Variants in GALNT1 observed in about 807,000 individuals in gnomAD.
The protein encoded by GALNT1 is GalNAc transferase 1.
Under a neutral mutation model 65.7 loss-of-function variants are expected in GALNT1, and 17 were observed. That is an observed-to-expected ratio of 0.26 (90% CI 0.18 to 0.39). The LOEUF (loss-of-function observed/expected upper bound fraction) is 0.39. Ranked by LOEUF, GALNT1 falls within the 10% of genes least tolerant of loss-of-function variation. The probability of loss-of-function intolerance (pLI) is 1.00; values close to 1 mark genes in which losing one functional copy is unlikely to be tolerated. For synonymous variants in GALNT1, 210 were observed against 219.7 expected, an observed-to-expected ratio of 0.96 and a Z score of 0.39; for missense variants, 460 against 672.8, an observed-to-expected ratio of 0.68 and a Z score of 3.50.
intron 1 of GALNT1, among the ~76,000 whole-genome samples, chr18:35,624,187 G>A (rs1251576385): frequency 6.6e-6 from 1 of 152,180 alleles, no homozygotes; most frequent in Non-Finnish European, 1.5e-5. Flanking sequence ...ACTAAAGATG[G>A]TGGTGAAGTT....
intron 1 of GALNT1, among the ~76,000 whole-genome samples, chr18:35,620,835 CAT>C (rs1333379990): frequency 6.6e-6 from 1 of 150,394 alleles, no homozygotes; most frequent in African/African-American, 2.5e-5. Context: ...TCTTTATACT[CAT>C]GTGTAAGAGT....
At chr18:35,654,973 A>G (rs1183058256) in intron 2 of GALNT1, among the ~76,000 whole-genome samples, 172 bp downstream of exon 2, 1 of 152,204 alleles carries the variant, frequency 6.6e-6, no homozygotes, top group African/African-American at 2.4e-5. Context: ...CCAGCAGTTA[A>G]AAGCATGAAA....
intron 1 of GALNT1, among the ~76,000 whole-genome samples, chr18:35,653,849 C>T (rs1219939753): frequency 6.6e-6 from 1 of 152,194 alleles, no homozygotes; most frequent in East Asian, 1.9e-4. Context: ...AAATTATTGT[C>T]AGAGCCAAGA....
At chr18:35,708,125 A>G (rs1425463482) in intron 11 of GALNT1, among the ~76,000 whole-genome samples, 4 of 152,172 alleles carry the variant, frequency 2.6e-5, no homozygotes, top group Non-Finnish European at 5.9e-5. Flanking sequence ...TGGGTCTCAA[A>G]GAGTTTAGGT....
chr18:35,691,758 G>C (rs1474815002), intron 8 of GALNT1, among the ~76,000 whole-genome samples: 2 of 152,174 alleles, frequency 1.3e-5, no homozygotes, highest in African/African-American at 4.8e-5. Context: ...AAGTCGGCCT[G>C]ACATTGTTAC....
chr18:35,606,092 G>A (rs1056818328), intron 1 of GALNT1, among the ~76,000 whole-genome samples: 1 of 152,128 alleles, frequency 6.6e-6, no homozygotes, highest in Non-Finnish European at 1.5e-5. Context: ...CTGGGGCCTT[G>A]GTTCTGCCTC....
chr18:35,663,557 T>C, intron 2 of GALNT1, 71 bp from the exon 3 acceptor site: 1 of 1,469,776 alleles, frequency 6.8e-7, no homozygotes, highest in Non-Finnish European at 9.2e-7. Flanking sequence ...AACACAAATG[T>C]TATTAAATAG....
intron 1 of GALNT1, among the ~76,000 whole-genome samples, chr18:35,650,655 G>T (rs952822235): frequency 6.6e-6 from 1 of 152,180 alleles, no homozygotes; most frequent in African/African-American, 2.4e-5. Flanking sequence ...CTTGCTGAGA[G>T]AAAGAATTCA....
intron 1 of GALNT1, among the ~76,000 whole-genome samples, chr18:35,604,258 T>C (rs2046618880): frequency 6.6e-6 from 1 of 152,238 alleles, no homozygotes; most frequent in South Asian, 2.1e-4. Flanking sequence ...TTTGTTCTTT[T>C]AAATGGCTGC....
At chr18:35,636,744 A>G (rs1418052935) in intron 1 of GALNT1, among the ~76,000 whole-genome samples, 1 of 118,940 alleles carries the variant, frequency 8.4e-6, no homozygotes, top group African/African-American at 3.2e-5. Context: ...TGTCCATGTT[A>G]TTGTACTTTG....
chr18:35,604,237 A>G (rs1598781915), intron 1 of GALNT1, among the ~76,000 whole-genome samples: 2 of 152,134 alleles, frequency 1.3e-5, no homozygotes, highest in Admixed American at 6.5e-5. Flanking sequence ...TGTTGTTGCA[A>G]AGGACGTGAT....
At chr18:35,614,285 G>GGT (rs1363211834) in intron 1 of GALNT1, among the ~76,000 whole-genome samples, 1 of 152,094 alleles carries the variant, frequency 6.6e-6, no homozygotes, top group Non-Finnish European at 1.5e-5. Flanking sequence ...AGGCGAGCTT[G>GGT]GTTCTGCATT....
chr18:35,708,901 C>T (rs2048309409), intron 11 of GALNT1, among the ~76,000 whole-genome samples: 1 of 152,186 alleles, frequency 6.6e-6, no homozygotes, highest in Non-Finnish European at 1.5e-5. Flanking sequence ...AAAATCTGCT[C>T]AAAATATGTA....
intron 3 of GALNT1, among the ~76,000 whole-genome samples, chr18:35,675,611 CCTTT>C (rs1183274120): frequency 6.6e-6 from 1 of 152,192 alleles, no homozygotes; most frequent in Non-Finnish European, 1.5e-5. Context: ...TTTCTGTCTT[CCTTT>C]CTGTTTCCTA....
chr18:35,597,428 C>T (rs1015835594), intron 1 of GALNT1: 2 of 152,180 alleles, frequency 1.3e-5, no homozygotes, highest in Non-Finnish European at 2.9e-5. Context: ...CTCCAGACCC[C>T]TTGTCAACAT....
chr18:35,613,122 T>A (rs1432622367), intron 1 of GALNT1, among the ~76,000 whole-genome samples: 1 of 152,216 alleles, frequency 6.6e-6, no homozygotes, highest in African/African-American at 2.4e-5. Context: ...TAATCTAGTT[T>A]ACTTATGTTT....
At chr18:35,614,626 A>G (rs1273857527) in intron 1 of GALNT1, among the ~76,000 whole-genome samples, 3 of 152,198 alleles carry the variant, frequency 2.0e-5, no homozygotes, top group African/African-American at 2.4e-5. Context: ...CTACAGGGCT[A>G]TGAGGAATGA....
At position 35,711,145 on chromosome 18, in the gene GALNT1, T is replaced by A. The variant is rs1208317568; in HGVS notation, c.*1375T>A. 3 of 152,314 alleles carry A rather than the reference T, an allele frequency of 2.0e-5. No individual in the cohort carries two copies. Among genetic ancestry groups the A allele is most frequent in the Non-Finnish European group, 2.9e-5 (2 of 68,024 alleles). The allele number at this position is 152,314 out of a possible 1,614,324, so 9.4% of individuals were successfully genotyped here. A position where few individuals can be genotyped will look rare whatever the true frequency, so the allele number is the denominator to read the frequency against. Reference sequence around the variant, plus strand: ...TACCACAGAATCACCTGAGTGTCAATTGAAAGTTGTCAATTAAAAGGTAAC... The same window carrying A: ...TACCACAGAATCACCTGAGTGTCAAATGAAAGTTGTCAATTAAAAGGTAAC... On this transcript the variant is annotated 3_prime_UTR_variant, in exon 12 of 12. Coordinates refer to ENST00000269195, the MANE Select transcript of GALNT1 (RefSeq NM_020474.4).
At chr18:35,607,466 T>C (rs983140998) in intron 1 of GALNT1, among the ~76,000 whole-genome samples, 1 of 152,130 alleles carries the variant, frequency 6.6e-6, no homozygotes, top group African/African-American at 2.4e-5. Context: ...GCATGCATGC[T>C]GTAGCATAGG....
Sources: allele counts gnomAD v4.1 joint callset (sites outside exome capture counted in the v4.1 genomes callset), GRCh38; gene constraint gnomAD v4.1.1; transcripts MANE v1.5; gene names NCBI Gene and HGNC (gene_info 2026-07-23, HGNC 2026-07-21).